The following OCIAD1 variants were observed in gnomAD, a reference collection of about 807,000 sequenced individuals.
OCIAD1 encodes OCIA domain-containing protein 1.
In OCIAD1, 29 loss-of-function variants were observed where a neutral mutation model predicts 38.9. The ratio of observed to expected loss-of-function variants is 0.74; its 90% CI spans 0.55 to 1.02. The LOEUF is 1.02. Ranked by LOEUF, OCIAD1 falls within the 50% of genes least tolerant of loss-of-function variation. The pLI is 0.00. For synonymous variants in OCIAD1, 110 were observed against 92.0 expected, an observed-to-expected ratio of 1.20 and a Z score of -1.12; for missense variants, 288 against 289.6, an observed-to-expected ratio of 0.99 and a Z score of 0.04.
chr4:48,838,635 A>G (rs533961557), intron 3 of OCIAD1, among the ~76,000 whole-genome samples: 1 of 152,242 alleles, frequency 6.6e-6, no homozygotes, highest in African/African-American at 2.4e-5. Context: ...GCTGTATGTG[A>G]CATTTATGTA....
chr4:48,838,236 T>A (rs1778181759), intron 3 of OCIAD1, among the ~76,000 whole-genome samples: 1 of 151,408 alleles, frequency 6.6e-6, no homozygotes, highest in South Asian at 2.1e-4. Flanking sequence ...GAGAATCGCT[T>A]GAACCCGGGA....
intron 3 of OCIAD1, among the ~76,000 whole-genome samples, chr4:48,840,050 C>G (rs776472740): frequency 1.3e-5 from 2 of 152,148 alleles, no homozygotes; most frequent in Non-Finnish European, 2.9e-5. Flanking sequence ...TCAGTCTTAC[C>G]ATTGTCTTTT....
At chr4:48,820,874 C>A (rs71610911) in intron 1 of OCIAD1, among the ~76,000 whole-genome samples, 1 of 152,140 alleles carries the variant, frequency 6.6e-6, no homozygotes, top group Admixed American at 6.6e-5. Flanking sequence ...CCTGAATAGA[C>A]CAATAACAAG....
At chr4:48,809,483 G>A (rs904140896) in intron 1 of OCIAD1, among the ~76,000 whole-genome samples, 30 of 151,960 alleles carry the variant, frequency 2.0e-4, no homozygotes, top group Non-Finnish European at 3.7e-4. Context: ...TCAAGATTGC[G>A]CCACTGCACT....
chr4:48,810,527 C>T (rs894986923), intron 1 of OCIAD1, among the ~76,000 whole-genome samples: 31 of 150,794 alleles, frequency 2.1e-4, no homozygotes, highest in Non-Finnish European at 3.5e-4. Flanking sequence ...AGGCAGACCT[C>T]GAACTTCGTG....
chr4:48,828,657 C>T (rs763206416), upstream of OCIAD1, among the ~76,000 whole-genome samples: 2 of 152,004 alleles, frequency 1.3e-5, no homozygotes, highest in African/African-American at 4.8e-5. Flanking sequence ...CCAGATGCAC[C>T]GCCTTAAGAG....
intron 2 of OCIAD1, 161 bp downstream of exon 2, chr4:48,832,843 TC>T (rs766873553): frequency 5.8e-5 from 37 of 640,358 alleles, no homozygotes; most frequent in Non-Finnish European, 9.5e-5. Context: ...AAATTCATAA[TC>T]ATTTGGATAA....
chr4:48,839,673 A>G (rs1778347694), intron 3 of OCIAD1, among the ~76,000 whole-genome samples: 1 of 152,184 alleles, frequency 6.6e-6, no homozygotes, highest in Non-Finnish European at 1.5e-5. Context: ...GATTAATGAA[A>G]TAAAAATTTT....
intron 1 of OCIAD1, among the ~76,000 whole-genome samples, chr4:48,825,983 T>A (rs1158537881): frequency 3.3e-5 from 5 of 151,926 alleles, no homozygotes; most frequent in African/African-American, 4.8e-5. Context: ...ATTACAGGCA[T>A]GCACCACCAC....
exon 1 of OCIAD1, chr4:48,805,253 G>A (rs59628956): frequency 0.21 from 32,599 of 152,116 alleles, 4,180 homozygotes; most frequent in Middle Eastern, 0.3. Context: ...TCAGTAAGCT[G>A]CCTTGGAAGT....
At chr4:48,827,528 C>T (rs75060373), upstream of OCIAD1, among the ~76,000 whole-genome samples, 2,326 of 152,272 alleles carry the variant, frequency 0.015, 28 homozygotes, top group Middle Eastern at 0.044. Flanking sequence ...TTGGATCTTG[C>T]CCAATTTATG....
intron 2 of OCIAD1, 88 bp downstream of exon 2, chr4:48,832,770 G>A (rs1777629977): frequency 3.2e-6 from 3 of 924,220 alleles, no homozygotes; most frequent in Non-Finnish European, 1.8e-6. Flanking sequence ...AGGTGGGCTG[G>A]CTTCATGGGC....
intron 6 of OCIAD1, 72 bp from the exon 7 acceptor site, chr4:48,851,734 G>A (rs1779492131): frequency 2.5e-6 from 2 of 808,492 alleles, no homozygotes; most frequent in African/African-American, 1.8e-5. Context: ...TATGAAAGAA[G>A]TTATTTTAAC....
At chr4:48,841,073 G>A (rs999139470) in intron 3 of OCIAD1, among the ~76,000 whole-genome samples, 2 of 152,216 alleles carry the variant, frequency 1.3e-5, no homozygotes, top group South Asian at 2.1e-4. Context: ...ATTTCATTAC[G>A]TGTGAAATTA....
intron 4 of OCIAD1, among the ~76,000 whole-genome samples, chr4:48,847,086 A>G (rs999816865): frequency 4.6e-5 from 7 of 152,226 alleles, no homozygotes; most frequent in African/African-American, 1.4e-4. Flanking sequence ...ATACTCCTAC[A>G]TTCTCACCAA....
upstream of OCIAD1, among the ~76,000 whole-genome samples, chr4:48,826,650 T>G (rs1017427885): frequency 6.6e-6 from 1 of 152,206 alleles, no homozygotes; most frequent in Non-Finnish European, 1.5e-5. Context: ...ATTACACACT[T>G]ACATATTTCA....
At chr4:48,841,056 AAAG>A (rs1778480591) in intron 3 of OCIAD1, among the ~76,000 whole-genome samples, 1 of 152,158 alleles carries the variant, frequency 6.6e-6, no homozygotes, top group Admixed American at 6.5e-5. Context: ...AATCAAAGGA[AAAG>A]AATATTTCAT....
At chr4:48,818,115 C>T (rs1407701675) in intron 1 of OCIAD1, among the ~76,000 whole-genome samples, 2 of 152,220 alleles carry the variant, frequency 1.3e-5, no homozygotes, top group African/African-American at 2.4e-5. Flanking sequence ...GACCTCTGTG[C>T]CTCCTGACTG....
chr4:48,826,366 A>G (rs1227321453), upstream of OCIAD1, among the ~76,000 whole-genome samples: 2 of 151,880 alleles, frequency 1.3e-5, no homozygotes, highest in Non-Finnish European at 2.9e-5. Flanking sequence ...GAGTGTTCTC[A>G]TTGTTCAATT....
Sources: allele counts gnomAD v4.1 joint callset (sites outside exome capture counted in the v4.1 genomes callset), GRCh38; gene constraint gnomAD v4.1.1; transcripts MANE v1.5; gene names NCBI Gene and HGNC (gene_info 2026-07-23, HGNC 2026-07-21).